VAT1L: variants seen among roughly 807,000 people sequenced by gnomAD.
VAT1L encodes vesicle amine transport 1 like.
In VAT1L, 34 loss-of-function variants were observed where a neutral mutation model predicts 44.1. The ratio of observed to expected loss-of-function variants is 0.77; its 90% confidence interval spans 0.59 to 1.03. VAT1L has a LOEUF of 1.03. Among genes scored for constraint, VAT1L ranks in the 50% least tolerant of loss-of-function variants. The probability of loss-of-function intolerance (pLI) is 0.00; values close to 1 mark genes in which losing one functional copy is unlikely to be tolerated. For missense variants in VAT1L, 615 were observed against 538.8 expected (o/e 1.14, Z -1.40); for synonymous variants, 253 against 202.2 (o/e 1.25, Z -2.13).
At chr16:77,853,821 G>A (rs556025441) in intron 3 of VAT1L, among the ~76,000 whole-genome samples, 18 of 152,154 alleles carry the variant, frequency 1.2e-4, no homozygotes, top group African/African-American at 4.3e-4. Context: ...TCTTCTCAAA[G>A]AATATGCCTA....
intron 1 of VAT1L, among the ~76,000 whole-genome samples, chr16:77,802,669 C>CACACA (rs1335721953): frequency 4.2e-4 from 55 of 131,730 alleles, no homozygotes; most frequent in South Asian, 1.0e-3. Flanking sequence ...CACACACACA[C>CACACA]TAAAGTTGCA....
intron 3 of VAT1L, among the ~76,000 whole-genome samples, chr16:77,841,690 T>C (rs962702078): frequency 2.0e-5 from 3 of 152,162 alleles, no homozygotes; most frequent in African/African-American, 7.2e-5. Flanking sequence ...AGGTGGGGGC[T>C]TCCTACATGA....
At chr16:77,871,192 C>T (rs2017028425) in intron 4 of VAT1L, among the ~76,000 whole-genome samples, 1 of 152,142 alleles carries the variant, frequency 6.6e-6, no homozygotes, top group South Asian at 2.1e-4. Context: ...TCTGCCTCTG[C>T]CCAACTTCTC....
intron 7 of VAT1L, among the ~76,000 whole-genome samples, chr16:77,931,183 A>C (rs1185050670): frequency 6.6e-6 from 1 of 152,224 alleles, no homozygotes; most frequent in Non-Finnish European, 1.5e-5. Context: ...AGAAGTTTTA[A>C]TAAACTTTCT....
At chr16:77,956,281 A>G (rs1257687268) in intron 7 of VAT1L, among the ~76,000 whole-genome samples, 1 of 152,070 alleles carries the variant, frequency 6.6e-6, no homozygotes, top group Non-Finnish European at 1.5e-5. Flanking sequence ...CAAGCCACTA[A>G]CCTTCCTGAA....
intron 3 of VAT1L, among the ~76,000 whole-genome samples, chr16:77,847,016 G>T (rs1363621797): frequency 6.6e-6 from 1 of 152,086 alleles, no homozygotes; most frequent in African/African-American, 2.4e-5. Context: ...ATTTACAATG[G>T]CATAAATGTG....
At chr16:77,912,010 A>G (rs1314856502) in intron 7 of VAT1L, among the ~76,000 whole-genome samples, 1 of 152,222 alleles carries the variant, frequency 6.6e-6, no homozygotes, top group Non-Finnish European at 1.5e-5. Context: ...TTGTAGTCTC[A>G]TCTTGGACCC....
At chr16:77,970,018 A>G (rs1196005382) in intron 7 of VAT1L, among the ~76,000 whole-genome samples, 1 of 144,592 alleles carries the variant, frequency 6.9e-6, no homozygotes, top group Admixed American at 7.2e-5. Context: ...GTTCATGAGC[A>G]GCCTGGGCAA....
intron 7 of VAT1L, among the ~76,000 whole-genome samples, chr16:77,928,768 A>C (rs61061512): frequency 7.6e-6 from 1 of 131,670 alleles, no homozygotes; most frequent in Admixed American, 7.6e-5. Context: ...TTTTTTTTTT[A>C]AATGACTGTT....
intron 3 of VAT1L, among the ~76,000 whole-genome samples, chr16:77,826,690 T>C (rs543901669): frequency 1.3e-5 from 2 of 152,200 alleles, no homozygotes; most frequent in Non-Finnish European, 2.9e-5. Flanking sequence ...CTGTCATTGG[T>C]CTACTGGGGT....
Position 77,884,015 on chromosome 16 carries a change from C to G in VAT1L, c.883-593C>G, listed in dbSNP as rs1027376991. Among the ~76,000 whole-genome samples, 5 of 152,156 alleles carry G rather than the reference C, an allele frequency of 3.3e-5. No homozygotes were observed. The highest frequency in any genetic ancestry group is 1.2e-4 in the African/African-American group (5 of 41,428). On this transcript the variant is annotated intron_variant, in intron 6 of 8. Coordinates refer to ENST00000302536, the MANE Select transcript of VAT1L (RefSeq NM_020927.3). The surrounding 1 kb of genome is among the most constrained non-coding windows in gnomAD (Gnocchi z 4.5). Reference sequence around the variant, plus strand: ...GTAGAGCCACGATTCAAGTCCGGAGCTGATGATCCTGACCATGTACTTAAT... The same window carrying G: ...GTAGAGCCACGATTCAAGTCCGGAGGTGATGATCCTGACCATGTACTTAAT...
At chr16:77,902,641 GATCA>G (rs534139255) in intron 7 of VAT1L, among the ~76,000 whole-genome samples, 26 of 143,572 alleles carry the variant, frequency 1.8e-4, no homozygotes, top group African/African-American at 6.1e-4. Flanking sequence ...AAAGAAAATA[GATCA>G]ATCAATCAAT....
At chr16:77,924,307 C>A (rs1485891876) in intron 7 of VAT1L, among the ~76,000 whole-genome samples, 5 of 152,124 alleles carry the variant, frequency 3.3e-5, no homozygotes, top group Non-Finnish European at 7.4e-5. Context: ...GCATCAAGCT[C>A]AGCCTCTTCA....
chr16:77,933,972 C>G (rs752009529), intron 7 of VAT1L, among the ~76,000 whole-genome samples: 1 of 152,132 alleles, frequency 6.6e-6, no homozygotes, highest in Non-Finnish European at 1.5e-5. Flanking sequence ...GATGGAATGA[C>G]GTGGTCTGTG....
intron 7 of VAT1L, among the ~76,000 whole-genome samples, chr16:77,953,947 A>G (rs921877195): frequency 2.6e-5 from 4 of 152,104 alleles, no homozygotes; most frequent in Non-Finnish European, 4.4e-5. Context: ...ATGTTGCACT[A>G]AGATCTGGCT....
At position 77,969,554 on chromosome 16, in the gene VAT1L, T is replaced by G. The variant is rs58961876; in HGVS notation, c.1078-2296T>G. ...ATAGGGCAGCTCACAACATGGCAGT[T>G]TGAGTCATCAGAACAAGGAAGCATC... On this transcript the variant is annotated intron_variant, in intron 7 of 8. Coordinates refer to ENST00000302536, the MANE Select transcript of VAT1L (RefSeq NM_020927.3). Among the ~76,000 whole-genome samples the G allele has an allele frequency of 4.5e-3, 686 of 152,130 alleles. 2 individuals carry two copies. Among genetic ancestry groups the G allele is most frequent in the African/African-American group, 0.016 (649 of 41,498 alleles).
intron 1 of VAT1L, among the ~76,000 whole-genome samples, chr16:77,802,349 G>A (rs879480298): frequency 1.3e-5 from 2 of 152,128 alleles, no homozygotes; most frequent in East Asian, 3.9e-4. Flanking sequence ...GGGCACCGTG[G>A]CCCACGCCTG....
intron 4 of VAT1L, among the ~76,000 whole-genome samples, chr16:77,863,238 C>T (rs532061342): frequency 3.0e-4 from 45 of 152,304 alleles, no homozygotes; most frequent in Non-Finnish European, 5.4e-4. Context: ...CATTCAGAGA[C>T]CCAGGCTCTT....
In VAT1L at chr16:77,979,452, T is replaced by A. The variant is rs2018376244; in HGVS notation, c.*1757T>A. 1 of 152,182 alleles carries A rather than the reference T, an allele frequency of 6.6e-6. No individual in the cohort carries two copies. Among genetic ancestry groups the A allele is most frequent in the Non-Finnish European group, 1.5e-5 (1 of 68,042 alleles). The allele number at this position is 152,182 out of a possible 1,614,324, so 9.4% of individuals were successfully genotyped here. ...CTTTGCTAAGTGCTATATTATTGGC[T>A]GTTTCTCCCGTAACCATGCTGAAAA... On this transcript the variant is annotated 3_prime_UTR_variant, in exon 9 of 9. Transcript: ENST00000302536.
Sources: allele counts gnomAD v4.1 joint callset (sites outside exome capture counted in the v4.1 genomes callset), GRCh38; gene constraint gnomAD v4.1.1; non-coding constraint Gnocchi (gnomAD v3.1); transcripts MANE v1.5; gene names NCBI Gene and HGNC (gene_info 2026-07-23, HGNC 2026-07-21).